The following RMDN2 variants were observed in gnomAD, a reference collection of about 807,000 sequenced individuals.
The protein encoded by RMDN2 is regulator of microtubule dynamics protein 2.
RMDN2 carries 61 observed loss-of-function variants against 52.8 expected under a neutral mutation model. That is an observed-to-expected ratio of 1.16 (90% CI 0.94 to 1.43). The LOEUF is 1.43. RMDN2 is among the 40% of genes most tolerant of loss of function. The pLI, the probability that RMDN2 is intolerant of heterozygous loss-of-function variation, is 0.00. For synonymous variants in RMDN2, 180 were observed against 153.1 expected, an observed-to-expected ratio of 1.18 and a Z score of -1.30; for missense variants, 592 against 475.3, an observed-to-expected ratio of 1.25 and a Z score of -2.28.
chr2:37,943,997 C>T (rs928434880), intron 2 of RMDN2, among the ~76,000 whole-genome samples: 1 of 152,048 alleles, frequency 6.6e-6, no homozygotes, highest in Non-Finnish European at 1.5e-5. Flanking sequence ...TGTGTAACTT[C>T]AGAGTTAGAT....
At chr2:38,022,840 T>A (rs1236004141) in intron 10 of RMDN2, among the ~76,000 whole-genome samples, 1 of 152,244 alleles carries the variant, frequency 6.6e-6, no homozygotes, top group Admixed American at 6.5e-5. Flanking sequence ...GCTTTTACAC[T>A]AAACTTCTCA....
chr2:37,949,137 A>G (rs1268262069), intron 2 of RMDN2, among the ~76,000 whole-genome samples: 2 of 152,214 alleles, frequency 1.3e-5, no homozygotes, highest in Admixed American at 1.3e-4. Context: ...GGAAAATGTA[A>G]TAGATTGCTA....
At chr2:38,013,210 A>G (rs1678250962) in intron 10 of RMDN2, among the ~76,000 whole-genome samples, 1 of 152,242 alleles carries the variant, frequency 6.6e-6, no homozygotes, top group Non-Finnish European at 1.5e-5. Context: ...CTTCACTGGC[A>G]ACCTGAAAGT....
At chr2:38,067,124 C>G (rs1316698064) in exon 11 of RMDN2, 1 of 841,022 alleles carries the variant, frequency 1.2e-6, no homozygotes, top group Non-Finnish European at 2.0e-6. Flanking sequence ...GGCAATAAAA[C>G]ATTTCCACAT....
chr2:37,946,663 G>A (rs2124943165), intron 2 of RMDN2, among the ~76,000 whole-genome samples: 1 of 152,306 alleles, frequency 6.6e-6, no homozygotes, highest in East Asian at 1.9e-4. Flanking sequence ...GGAGGTGGTT[G>A]CCCCATTTGA....
intron 10 of RMDN2, among the ~76,000 whole-genome samples, chr2:38,062,731 AG>A (rs572784787): frequency 1.0e-3 from 159 of 151,740 alleles, no homozygotes; most frequent in African/African-American, 3.5e-3. Context: ...CTTGTCATTT[AG>A]CATTAGGTAT....
chr2:37,957,049 C>G (rs1669573125), intron 2 of RMDN2, among the ~76,000 whole-genome samples: 1 of 152,328 alleles, frequency 6.6e-6, no homozygotes, highest in Middle Eastern at 3.4e-3. Context: ...TTTATTCAGT[C>G]TATCACTCAT....
chr2:37,975,226 A>T lies in RMDN2; in HGVS notation c.642A>T (p.Ile214=). The change falls in exon 4 of 11, where the codon ATA becomes ATT. Residue 214 remains isoleucine, a synonymous_variant. Transcript: ENST00000354545. The stretch of plus-strand genomic sequence containing the variant: ...TTTCTTTTCAGTTTAGAGATGAAAT[A>T]GAGTTTATGTGGCGATTTGCTCGTG... ...RDHKEKFRDE[I]EFMWRFARAY... is the part of the protein sequence containing the mutation. 6.3e-7 allele frequency: 1 copy of T among 1,599,422 alleles called. No individual in the cohort carries two copies. The highest frequency in any genetic ancestry group is 8.6e-7 in the Non-Finnish European group (1 of 1,166,866).
chr2:38,001,731 C>G (rs192391527), intron 8 of RMDN2, among the ~76,000 whole-genome samples: 17 of 152,262 alleles, frequency 1.1e-4, no homozygotes, highest in Non-Finnish European at 1.9e-4. Flanking sequence ...AGTCTTAAGT[C>G]CCTCTTATTA....
intron 10 of RMDN2, among the ~76,000 whole-genome samples, chr2:38,024,957 T>C (rs1158323182): frequency 6.6e-6 from 1 of 152,140 alleles, no homozygotes; most frequent in Non-Finnish European, 1.5e-5. Context: ...TGAAACCAGG[T>C]AGTGTTACTC....
In RMDN2 at chr2:38,017,253, C is replaced by T; in HGVS notation, c.*14C>T. 1.3e-6 allele frequency: 2 copies of T among 1,516,606 alleles called. No homozygotes were observed. Among genetic ancestry groups the T allele is most frequent in the Non-Finnish European group, 1.8e-6 (2 of 1,130,632 alleles). 93.9% of individuals were successfully genotyped at this position (1,516,606 alleles called of 1,614,324 possible). ...TTGAAGAGGTAAATAAACGAATTTA[C>T]TCTTCAACAAATCAGATGTGGTCTA... On this transcript the variant is annotated 3_prime_UTR_variant, in exon 11 of 11. Coordinates refer to ENST00000354545, the MANE Select transcript of RMDN2 (RefSeq NM_001170791.3).
chr2:37,964,190 C>G (rs1305235140), intron 2 of RMDN2, among the ~76,000 whole-genome samples: 1 of 151,682 alleles, frequency 6.6e-6, no homozygotes, highest in Non-Finnish European at 1.5e-5. Flanking sequence ...GGGCAGCTGC[C>G]GGGCGGAGGG....
At chr2:37,978,319 G>A (rs989961863) in intron 4 of RMDN2, among the ~76,000 whole-genome samples, 1 of 131,970 alleles carries the variant, frequency 7.6e-6, no homozygotes, top group African/African-American at 3.0e-5. Flanking sequence ...GCAAAGGGGA[G>A]GGGGGAGAGG....
intron 5 of RMDN2, among the ~76,000 whole-genome samples, chr2:37,989,068 C>A (rs1344637484): frequency 6.6e-6 from 1 of 152,024 alleles, no homozygotes; most frequent in Non-Finnish European, 1.5e-5. Flanking sequence ...TAAAGGAGCT[C>A]ATGAAATTGT....
rs145078448 is a variant in RMDN2, at chr2:38,056,153, G to A, written c.1714-10829G>A. On this transcript the variant is annotated intron_variant, in intron 10 of 10. Coordinates refer to the RMDN2 transcript ENST00000234195. ...CGGGGCAGCACTGTGCCAGGCACCC[G>A]GGATCCAGTGGGGAGCAGGTCCTTT... Among the ~76,000 whole-genome samples the A allele has an allele frequency of 1.1e-3, 173 of 152,214 alleles. 3 individuals carry two copies. The highest frequency in any genetic ancestry group is 4.0e-3 in the African/African-American group (168 of 41,532).
intron 2 of RMDN2, among the ~76,000 whole-genome samples, chr2:37,962,287 C>T (rs1464604681): frequency 6.6e-6 from 1 of 152,202 alleles, no homozygotes; most frequent in Non-Finnish European, 1.5e-5. Context: ...TGAAGCTGTG[C>T]CCACAGCCAC....
At chr2:37,956,767 A>T (rs1013552417) in intron 2 of RMDN2, among the ~76,000 whole-genome samples, 4 of 152,020 alleles carry the variant, frequency 2.6e-5, no homozygotes, top group Non-Finnish European at 5.9e-5. Flanking sequence ...TCAACCCGTC[A>T]TCTATGTTAG....
intron 10 of RMDN2, among the ~76,000 whole-genome samples, chr2:38,009,645 A>G (rs1573072079): frequency 1.3e-5 from 2 of 152,008 alleles, no homozygotes; most frequent in African/African-American, 2.4e-5. Flanking sequence ...CTTCTTTGCC[A>G]TGGTTTCGAA....
At chr2:38,045,615 G>C (rs1469256722) in intron 10 of RMDN2, among the ~76,000 whole-genome samples, 1 of 150,744 alleles carries the variant, frequency 6.6e-6, no homozygotes, top group African/African-American at 2.4e-5. Context: ...AGAGTAAAAT[G>C]ATCAAGGAAA....
Sources: allele counts gnomAD v4.1 joint callset (sites outside exome capture counted in the v4.1 genomes callset), GRCh38; gene constraint gnomAD v4.1.1; transcripts MANE v1.5; gene names NCBI Gene and HGNC (gene_info 2026-07-23, HGNC 2026-07-21).